The following RALYL variants were observed in gnomAD, a reference collection of about 807,000 sequenced individuals.
The protein encoded by RALYL is RALY RNA binding protein like, also known as RNA-binding Raly-like protein.
In RALYL, 29 loss-of-function variants were observed where a neutral mutation model predicts 35.1. The observed-to-expected ratio is 0.83, with a 90% CI of 0.61 to 1.13. The LOEUF (loss-of-function observed/expected upper bound fraction) is 1.13. Among genes scored for constraint, RALYL ranks in the 50% most tolerant of loss-of-function variants. The pLI is 0.00. For synonymous variants in RALYL, 120 were observed against 127.6 expected, an observed-to-expected ratio of 0.94 and a Z score of 0.40; for missense variants, 359 against 360.4, an observed-to-expected ratio of 1.00 and a Z score of 0.03.
chr8:84,221,977 T>G (rs909489575), intron 1 of RALYL, among the ~76,000 whole-genome samples: 1 of 152,066 alleles, frequency 6.6e-6, no homozygotes. Flanking sequence ...ATATCTATCT[T>G]TGTGTTTAGG....
At chr8:84,417,880 A>G (rs1219039562) in intron 1 of RALYL, among the ~76,000 whole-genome samples, 6 of 152,144 alleles carry the variant, frequency 3.9e-5, no homozygotes, top group Non-Finnish European at 1.5e-5. Context: ...TGATAGTCTC[A>G]AGGCTTCAGC....
intron 2 of RALYL, among the ~76,000 whole-genome samples, chr8:84,645,188 T>C (rs756066131): frequency 9.2e-5 from 14 of 152,044 alleles, no homozygotes; most frequent in Admixed American, 2.0e-4. Flanking sequence ...TGTCATGGTA[T>C]CTTATGTTGT....
At chr8:84,821,872 T>A (rs1288682703) in intron 4 of RALYL, among the ~76,000 whole-genome samples, 2 of 152,160 alleles carry the variant, frequency 1.3e-5, no homozygotes, top group Non-Finnish European at 2.9e-5. Flanking sequence ...AAGGTAGATA[T>A]TAAAATGAAA....
Position 84,234,776 on chromosome 8 carries a change from T to A in RALYL, c.-24+50352T>A, listed in dbSNP as rs983570781. Among the ~76,000 whole-genome samples the A allele has an allele frequency of 6.8e-5, 10 of 146,584 alleles. No individual in the cohort carries two copies. The East Asian group carries it at 1.4e-3, about 21-fold the overall frequency. On this transcript the variant is annotated intron_variant, in intron 1 of 8. Transcript: ENST00000521268. ...AATTTTATTTATTTATTTATTTTTTTTTTTTTGAGATGGAGTCTCGCTCTG... is the reference window on the plus strand; with the variant it reads ...AATTTTATTTATTTATTTATTTTTTATTTTTTGAGATGGAGTCTCGCTCTG...
At chr8:84,639,916 C>A (rs1306213773) in intron 2 of RALYL, among the ~76,000 whole-genome samples, 1 of 151,978 alleles carries the variant, frequency 6.6e-6, no homozygotes, top group African/African-American at 2.4e-5. Flanking sequence ...AAATTCTGTG[C>A]ATTTAGCTAC....
chr8:84,405,823 C>CTTTTTTTTTTTTTTTTTTTTTTTTTTTTT (rs776007226), intron 1 of RALYL, among the ~76,000 whole-genome samples: 1 of 118,154 alleles, frequency 8.5e-6, no homozygotes, highest in African/African-American at 3.3e-5. Flanking sequence ...TATTTTCATT[C>CTTTTTTTTTTTTTTTTTTTTTTTTTTTTT]TTTTTTTTTT....
chr8:84,409,333 A>G (rs1363892359), intron 1 of RALYL, among the ~76,000 whole-genome samples: 3 of 152,102 alleles, frequency 2.0e-5, no homozygotes, highest in Non-Finnish European at 2.9e-5. Flanking sequence ...TAACACTAAT[A>G]TATCTCTGAT....
chr8:84,193,034 G>A (rs1236231978), intron 1 of RALYL, among the ~76,000 whole-genome samples: 6 of 151,322 alleles, frequency 4.0e-5, no homozygotes, highest in African/African-American at 4.9e-5. Flanking sequence ...ATTTTTTTTC[G>A]TAAGGAAAGT....
chr8:84,593,890 A>G (rs1307282919), intron 2 of RALYL, among the ~76,000 whole-genome samples: 1 of 152,042 alleles, frequency 6.6e-6, no homozygotes, highest in Non-Finnish European at 1.5e-5. Flanking sequence ...CATTATATGC[A>G]CTGCCCTTCC....
intron 1 of RALYL, among the ~76,000 whole-genome samples, chr8:84,217,967 A>G (rs1183820408): frequency 6.6e-6 from 1 of 152,084 alleles, no homozygotes; most frequent in Non-Finnish European, 1.5e-5. Context: ...ACATACTTAC[A>G]TTTTTGTGGT....
intron 2 of RALYL, among the ~76,000 whole-genome samples, chr8:84,764,546 G>A (rs1813453012): frequency 6.6e-6 from 1 of 152,122 alleles, no homozygotes; most frequent in Non-Finnish European, 1.5e-5. Flanking sequence ...CAAATAACTA[G>A]TAAGAAGTTC....
At position 84,333,897 on chromosome 8, in the gene RALYL, C is replaced by A. The variant is rs190296724; in HGVS notation, c.-24+149473C>A. Among the ~76,000 whole-genome samples the A allele has an allele frequency of 4.0e-3, 603 of 152,010 alleles. 4 individuals carry two copies. Among genetic ancestry groups the A allele is most frequent in the Non-Finnish European group, 6.6e-3 (450 of 67,954 alleles). ...AGTCTTATTTTAACTTGTTTTTTTC[C>A]CCCCTTGGGACACGGTCTCACTGTG... On this transcript the variant is annotated intron_variant, in intron 1 of 8. Transcript: ENST00000521268.
chr8:84,234,753 T>TTTTA (rs1309506520), intron 1 of RALYL, among the ~76,000 whole-genome samples: 21 of 147,230 alleles, frequency 1.4e-4, no homozygotes, highest in African/African-American at 5.0e-4. Flanking sequence ...AATTGCAAAA[T>TTTTA]TTTATTTATT....
chr8:84,304,485 A>G (rs1024363395), intron 1 of RALYL, among the ~76,000 whole-genome samples: 1 of 152,262 alleles, frequency 6.6e-6, no homozygotes, highest in African/African-American at 2.4e-5. Flanking sequence ...TTTAACTTCA[A>G]TTATCTTCTT....
chr8:84,694,323 A>G lies in RALYL; in HGVS notation c.257-80256A>G, dbSNP rs145711288. Among the ~76,000 whole-genome samples the G allele has an allele frequency of 6.8e-3, 1,026 of 151,994 alleles. 13 individuals carry two copies. The highest frequency in any genetic ancestry group is 0.048 in the Middle Eastern group (14 of 294). On this transcript the variant is annotated intron_variant, in intron 2 of 8. Coordinates refer to ENST00000521268, the MANE Select transcript of RALYL (RefSeq NM_173848.7). ...CAAGATCAGTAGCATTCACTAACAA[A>G]CTATTGGGAAAAAAAGATTAAGAAA... is the stretch of plus-strand genomic sequence containing the variant.
At chr8:84,913,861 A>G (rs1398270964) in intron 8 of RALYL, among the ~76,000 whole-genome samples, 1 of 151,974 alleles carries the variant, frequency 6.6e-6, no homozygotes, top group Non-Finnish European at 1.5e-5. Flanking sequence ...ATAGGATAAT[A>G]GTGTATTTTT....
chr8:84,371,426 T>C (rs372499173), intron 1 of RALYL, among the ~76,000 whole-genome samples: 1 of 151,388 alleles, frequency 6.6e-6, no homozygotes, highest in African/African-American at 2.5e-5. Flanking sequence ...TTCCTCCTTG[T>C]ATTTCTGCAT....
intron 1 of RALYL, among the ~76,000 whole-genome samples, chr8:84,187,249 T>C (rs2130821485): frequency 6.6e-6 from 1 of 152,230 alleles, no homozygotes; most frequent in Non-Finnish European, 1.5e-5. Context: ...AAAATGTGGG[T>C]ATTGTTTAAA....
chr8:84,317,067 C>G (rs1001245794), intron 1 of RALYL, among the ~76,000 whole-genome samples: 1 of 151,422 alleles, frequency 6.6e-6, no homozygotes, highest in East Asian at 1.9e-4. Flanking sequence ...ACATAATGAT[C>G]CCATGTTTAA....
Sources: gnomAD v4.1 joint callset for allele counts (sites outside exome capture counted in the v4.1 genomes callset) on GRCh38, gnomAD v4.1.1 for gene constraint, MANE v1.5 for transcripts, NCBI Gene and HGNC (gene_info 2026-07-23, HGNC 2026-07-21) for gene names.